CSMD1: variants seen among roughly 807,000 people sequenced by gnomAD.
CSMD1 encodes CUB and sushi domain-containing protein 1.
A neutral mutation model predicts 417.5 loss-of-function variants in CSMD1; 213 were observed. The ratio of observed to expected loss-of-function variants is 0.51; its 90% CI spans 0.46 to 0.57. CSMD1 has a LOEUF of 0.57. Ranked by LOEUF, CSMD1 falls within the 20% of genes least tolerant of loss-of-function variation. The pLI, the probability that CSMD1 is intolerant of heterozygous loss-of-function variation, is 0.00. For missense variants in CSMD1, 6,923 were observed against 4,529.7 expected (o/e 1.53, Z -15.17); for synonymous variants, 2,862 against 1,736.8 (o/e 1.65, Z -16.11).
intron 12 of CSMD1, among the ~76,000 whole-genome samples, chr8:3,445,622 G>A (rs1815254624): frequency 6.6e-6 from 1 of 152,078 alleles, no homozygotes; most frequent in African/African-American, 2.4e-5. Flanking sequence ...CAGAAGAGAG[G>A]CCATTCACTT....
At chr8:4,165,020 A>G (rs561665429) in intron 3 of CSMD1, among the ~76,000 whole-genome samples, 1 of 152,270 alleles carries the variant, frequency 6.6e-6, no homozygotes, top group African/African-American at 2.4e-5. Context: ...GTTTTTGTCC[A>G]TGACACCTGA....
intron 10 of CSMD1, among the ~76,000 whole-genome samples, chr8:3,502,953 G>C (rs762387992): frequency 5.3e-5 from 8 of 152,088 alleles, no homozygotes; most frequent in African/African-American, 7.2e-5. Flanking sequence ...AAAGCATCTG[G>C]TGAGGATGCT....
At chr8:4,573,659 G>A (rs557536998) in intron 2 of CSMD1, among the ~76,000 whole-genome samples, 1 of 152,102 alleles carries the variant, frequency 6.6e-6, no homozygotes, top group African/African-American at 2.4e-5. Flanking sequence ...TGTGGTAGGA[G>A]ATCTGCTGCT....
intron 5 of CSMD1, among the ~76,000 whole-genome samples, chr8:3,839,463 T>C (rs1261788806): frequency 4.8e-5 from 6 of 125,138 alleles, no homozygotes; most frequent in Non-Finnish European, 9.5e-5. Flanking sequence ...TAATATATTA[T>C]ATATTATATA....
At chr8:4,405,178 C>T (rs1804923279) in intron 3 of CSMD1, among the ~76,000 whole-genome samples, 1 of 152,184 alleles carries the variant, frequency 6.6e-6, no homozygotes, top group African/African-American at 2.4e-5. Flanking sequence ...ACCATAAATC[C>T]TTTGTCAACA....
chr8:4,432,650 G>C (rs894366510), intron 2 of CSMD1, among the ~76,000 whole-genome samples: 8 of 152,140 alleles, frequency 5.3e-5, no homozygotes, highest in Admixed American at 3.9e-4. Context: ...TTAAGACCAT[G>C]CAGGTGGAGA....
At chr8:4,188,110 T>G (rs1250822870) in intron 3 of CSMD1, among the ~76,000 whole-genome samples, 3 of 152,134 alleles carry the variant, frequency 2.0e-5, no homozygotes, top group African/African-American at 7.2e-5. Flanking sequence ...CGACATGTAA[T>G]TAAAAACATA....
intron 12 of CSMD1, among the ~76,000 whole-genome samples, chr8:3,448,341 G>GGA (rs1585179441): frequency 1.1e-4 from 6 of 54,470 alleles, no homozygotes; most frequent in East Asian, 1.6e-3. Flanking sequence ...GGGAGGGAGG[G>GGA]AGGGAGGAAG....
intron 1 of CSMD1, among the ~76,000 whole-genome samples, chr8:4,783,711 C>T (rs1200238830): frequency 6.6e-6 from 1 of 152,140 alleles, no homozygotes; most frequent in East Asian, 1.9e-4. Flanking sequence ...ATTATTCATC[C>T]TCCAAACTTG....
chr8:4,827,819 T>A lies in CSMD1; in HGVS notation c.85+166513A>T, dbSNP rs185588076. Among the ~76,000 whole-genome samples, 26 of 152,328 alleles carry A rather than the reference T, an allele frequency of 1.7e-4. No individual in the cohort carries two copies. The East Asian group carries it at 4.3e-3, about 25-fold the overall frequency. ...AACCCCTGGAAAATTTTTACTGTAA[T>A]CTACAGGTACAGCCTGTTTAAATTC... On this transcript the variant is annotated intron_variant, in intron 1 of 69. Coordinates refer to ENST00000635120, the MANE Select transcript of CSMD1 (RefSeq NM_033225.6).
intron 1 of CSMD1, among the ~76,000 whole-genome samples, chr8:4,842,255 C>T (rs1800889443): frequency 6.6e-6 from 1 of 152,178 alleles, no homozygotes; most frequent in Admixed American, 6.5e-5. Flanking sequence ...AGCTTATTTT[C>T]ATATAAATAT....
chr8:4,390,204 T>C (rs1803747199), intron 3 of CSMD1, among the ~76,000 whole-genome samples: 1 of 152,202 alleles, frequency 6.6e-6, no homozygotes, highest in Non-Finnish European at 1.5e-5. Flanking sequence ...TAAACATGTT[T>C]TTGACCAGTC....
intron 5 of CSMD1, among the ~76,000 whole-genome samples, chr8:3,951,959 G>C (rs143454276): frequency 6.6e-5 from 10 of 152,110 alleles, no homozygotes; most frequent in Middle Eastern, 3.4e-3. Flanking sequence ...AATTATGAAA[G>C]TAATAATAAA....
At chr8:3,210,213 G>A (rs567644509) in intron 30 of CSMD1, among the ~76,000 whole-genome samples, 2 of 152,182 alleles carry the variant, frequency 1.3e-5, no homozygotes, top group Non-Finnish European at 2.9e-5. Flanking sequence ...GATCCAAGAT[G>A]CACTACAGGA....
chr8:4,984,986 C>T (rs762771168), intron 1 of CSMD1, among the ~76,000 whole-genome samples: 4 of 152,126 alleles, frequency 2.6e-5, no homozygotes, highest in Non-Finnish European at 4.4e-5. Flanking sequence ...AGAGATTCAT[C>T]CTCTTTGTTA....
intron 21 of CSMD1, among the ~76,000 whole-genome samples, chr8:3,355,539 T>C (rs757715383): frequency 6.6e-6 from 1 of 152,130 alleles, no homozygotes; most frequent in Non-Finnish European, 1.5e-5. Flanking sequence ...TGTGGGCCAA[T>C]GAGAGGAAAC....
chr8:3,911,477 A>G (rs1055011921), intron 5 of CSMD1, among the ~76,000 whole-genome samples: 6 of 151,464 alleles, frequency 4.0e-5, no homozygotes, highest in Admixed American at 1.3e-4. Flanking sequence ...GCAGTGAGCC[A>G]AGATTGCGCC....
Position 4,612,638 on chromosome 8 carries a change from G to A in CSMD1, c.302+24704C>T, listed in dbSNP as rs115389619. Among the ~76,000 whole-genome samples, 595 of 152,198 alleles carry A rather than the reference G, an allele frequency of 3.9e-3. 1 individual carries two copies. Among genetic ancestry groups the A allele is most frequent in the African/African-American group, 0.014 (570 of 41,498 alleles). Reference sequence around the variant, plus strand: ...AGGACAAGGGTAAGGCCACTCAGGGGACCCATCAGCCTTCTCCATCTACTC... The same window carrying A: ...AGGACAAGGGTAAGGCCACTCAGGGAACCCATCAGCCTTCTCCATCTACTC... On this transcript the variant is annotated intron_variant, in intron 2 of 69. Transcript: ENST00000635120.
intron 1 of CSMD1, among the ~76,000 whole-genome samples, chr8:4,702,264 T>TA (rs1563174463): frequency 6.6e-6 from 1 of 152,092 alleles, no homozygotes; most frequent in East Asian, 1.9e-4. Flanking sequence ...AAAATAAAAA[T>TA]AAAAATAAAA....
Sources: allele counts gnomAD v4.1 joint callset (sites outside exome capture counted in the v4.1 genomes callset), GRCh38; gene constraint gnomAD v4.1.1; transcripts MANE v1.5; gene names NCBI Gene and HGNC (gene_info 2026-07-23, HGNC 2026-07-21).